Variants in ANO1 observed in about 807,000 individuals in gnomAD.
The protein encoded by ANO1 is anoctamin 1, also known as anoctamin-1.
A neutral mutation model predicts 124.0 loss-of-function variants in ANO1; 59 were observed. The observed-to-expected ratio is 0.48, with a 90% confidence interval of 0.39 to 0.59. The LOEUF (loss-of-function observed/expected upper bound fraction) is 0.59, where lower values mean the gene tolerates loss of function less well. ANO1 is among the 20% of genes least tolerant of loss of function. The pLI, the probability that ANO1 is intolerant of heterozygous loss-of-function variation, is 0.00. For missense variants in ANO1, 1,059 were observed against 1,328.0 expected, an observed-to-expected ratio of 0.80 and a Z score of 3.15; for synonymous variants, 529 against 532.0, an observed-to-expected ratio of 0.99 and a Z score of 0.08.
At position 70,179,990 on chromosome 11, in the gene ANO1, T is replaced by A. The variant is rs749304739; in HGVS notation, c.2351-14T>A. On this transcript the variant is annotated splice_polypyrimidine_tract_variant and intron_variant, in intron 22 of 25. Coordinates refer to ENST00000355303, the MANE Select transcript of ANO1 (RefSeq NM_018043.7). The stretch of plus-strand genomic sequence containing the variant: ...TGTAGGGCTCTTTAAAACTGTGACT[T>A]CTTCTTCCCCCAGGAATCTGGTACA... 3.1e-6 allele frequency: 5 copies of A among 1,611,268 alleles called. No individual in the cohort carries two copies. The East Asian group carries it at 6.7e-5, about 22-fold the overall frequency.
chr11:70,024,040 C>G (rs887426704), intron 1 of ANO1, among the ~76,000 whole-genome samples: 2 of 152,228 alleles, frequency 1.3e-5, no homozygotes, highest in Non-Finnish European at 2.9e-5. Context: ...TTCCAAATCT[C>G]CATCTCTCTC....
intron 1 of ANO1, chr11:70,085,360 T>G (rs992637780): frequency 1.3e-5 from 18 of 1,375,340 alleles, no homozygotes; most frequent in East Asian, 3.1e-5. Context: ...ATGGGCGTGG[T>G]CGTGGCCCCT....
chr11:70,180,766 T>C (rs2048899999), intron 23 of ANO1, among the ~76,000 whole-genome samples: 1 of 152,180 alleles, frequency 6.6e-6, no homozygotes, highest in Non-Finnish European at 1.5e-5. Flanking sequence ...CTTTCTGTTC[T>C]CTTATTTAAA....
intron 1 of ANO1, among the ~76,000 whole-genome samples, chr11:70,044,932 T>C (rs1026234510): frequency 6.6e-6 from 1 of 152,172 alleles, no homozygotes; most frequent in Admixed American, 6.5e-5. Flanking sequence ...ATAAAGACTA[T>C]AGATTAGATT....
chr11:70,007,296 A>C, intron 1 of ANO1, among the ~76,000 whole-genome samples: 1 of 78,376 alleles, frequency 1.3e-5, no homozygotes, highest in South Asian at 3.8e-4. Flanking sequence ...TTTTTTCTTG[A>C]GACAGAGTCT....
intron 7 of ANO1, among the ~76,000 whole-genome samples, chr11:70,112,498 G>T (rs1295024027): frequency 6.6e-6 from 1 of 151,828 alleles, no homozygotes; most frequent in Admixed American, 6.6e-5. Context: ...CTGAGCCTCA[G>T]TGTCCCCATC....
At chr11:70,031,248 A>G (rs1354816099) in intron 1 of ANO1, among the ~76,000 whole-genome samples, 1 of 152,216 alleles carries the variant, frequency 6.6e-6, no homozygotes, top group African/African-American at 2.4e-5. Flanking sequence ...CCAGGCCTCA[A>G]TGTGATGTTT....
intron 10 of ANO1, among the ~76,000 whole-genome samples, chr11:70,131,271 G>A (rs527282391): frequency 6.6e-6 from 1 of 152,226 alleles, no homozygotes; most frequent in South Asian, 2.1e-4. Flanking sequence ...CCCCATGCAA[G>A]AAGAAAATGC....
At chr11:70,082,454 G>A (rs902884575) in intron 1 of ANO1, among the ~76,000 whole-genome samples, 5 of 152,194 alleles carry the variant, frequency 3.3e-5, no homozygotes, top group Non-Finnish European at 7.3e-5. Context: ...CAGCTACTTG[G>A]GAGGCAGAGG....
chr11:70,180,363 C>T (rs1051969031), intron 23 of ANO1, among the ~76,000 whole-genome samples: 12 of 152,104 alleles, frequency 7.9e-5, no homozygotes, highest in African/African-American at 2.9e-4. Context: ...ACCTCCGCCT[C>T]CCAGGTTCAA....
intron 11 of ANO1, among the ~76,000 whole-genome samples, chr11:70,138,518 A>G (rs1165484221): frequency 6.6e-6 from 1 of 151,662 alleles, no homozygotes. Context: ...AAAAAAAAAA[A>G]AAGAAAAGAA....
At chr11:70,020,714 G>C (rs1479386071) in intron 1 of ANO1, among the ~76,000 whole-genome samples, 1 of 152,196 alleles carries the variant, frequency 6.6e-6, no homozygotes, top group Admixed American at 6.5e-5. Context: ...TTCCCCAGAG[G>C]GGGACAGAGT....
At chr11:70,013,242 C>T (rs1326905125) in intron 1 of ANO1, among the ~76,000 whole-genome samples, 2 of 152,166 alleles carry the variant, frequency 1.3e-5, no homozygotes, top group Admixed American at 6.5e-5. Context: ...AGTGTAGCCA[C>T]AGCAGTGGCC....
intron 2 of ANO1, among the ~76,000 whole-genome samples, chr11:70,102,504 C>T (rs2045316982): frequency 6.6e-6 from 1 of 152,212 alleles, no homozygotes; most frequent in African/African-American, 2.4e-5. Context: ...ACCAGGCTGC[C>T]ATTCTCTTTA....
At chr11:70,127,045 A>G (rs11235089) in intron 10 of ANO1, among the ~76,000 whole-genome samples, 887 of 53,858 alleles carry the variant, frequency 0.016, 2 homozygotes, top group East Asian at 0.02. Context: ...AGACGTGAAC[A>G]CTAGAGGCCT....
At chr11:70,032,658 G>T (rs545841209) in intron 1 of ANO1, among the ~76,000 whole-genome samples, 1 of 152,166 alleles carries the variant, frequency 6.6e-6, no homozygotes, top group Non-Finnish European at 1.5e-5. Flanking sequence ...CCCCCGGACT[G>T]TGGCTTCTGC....
chr11:70,011,143 A>G (rs1269246353), intron 1 of ANO1, among the ~76,000 whole-genome samples: 2 of 152,180 alleles, frequency 1.3e-5, no homozygotes, highest in African/African-American at 2.4e-5. Context: ...CAGAATGAGT[A>G]GGAGTTAGGC....
intron 1 of ANO1, among the ~76,000 whole-genome samples, chr11:70,082,932 C>T (rs557121739): frequency 1.1e-4 from 16 of 152,244 alleles, no homozygotes; most frequent in African/African-American, 3.9e-4. Context: ...ACCTTAAAAA[C>T]TAATACCTAA....
intron 10 of ANO1, among the ~76,000 whole-genome samples, chr11:70,127,833 G>T (rs890823972): frequency 6.6e-6 from 1 of 152,252 alleles, no homozygotes; most frequent in East Asian, 1.9e-4. Context: ...CTCTGGCAGG[G>T]TTTCTATGCC....
Sources: gnomAD v4.1 joint callset for allele counts (sites outside exome capture counted in the v4.1 genomes callset) on GRCh38, gnomAD v4.1.1 for gene constraint, MANE v1.5 for transcripts, NCBI Gene and HGNC (gene_info 2026-07-23, HGNC 2026-07-21) for gene names.